PALM2AKAP2: variants seen among roughly 807,000 people sequenced by gnomAD.
PALM2AKAP2 encodes the protein PALM2 and AKAP2 fusion.
In PALM2AKAP2, 37 loss-of-function variants were observed where a neutral mutation model predicts 71.5. The observed-to-expected ratio is 0.52, with a 90% CI of 0.40 to 0.68. The LOEUF (loss-of-function observed/expected upper bound fraction) is 0.68, where lower values mean the gene tolerates loss of function less well. PALM2AKAP2 is among the 30% of genes least tolerant of loss of function. The probability of loss-of-function intolerance (pLI) is 0.00; values close to 1 mark genes in which losing one functional copy is unlikely to be tolerated. For missense variants in PALM2AKAP2, 1,224 were observed against 1,191.8 expected, an observed-to-expected ratio of 1.03 and a Z score of -0.40; for synonymous variants, 468 against 478.8, an observed-to-expected ratio of 0.98 and a Z score of 0.29.
chr9:110,000,339 A>G (rs1180938284), intron 6 of PALM2AKAP2, among the ~76,000 whole-genome samples: 1 of 152,292 alleles, frequency 6.6e-6, no homozygotes, highest in East Asian at 1.9e-4. Flanking sequence ...AAAGGACATC[A>G]ACTCATCATT....
chr9:109,902,868 T>A (rs563306615), intron 3 of PALM2AKAP2, among the ~76,000 whole-genome samples: 1 of 152,112 alleles, frequency 6.6e-6, no homozygotes. Flanking sequence ...GAAGAGAACA[T>A]GAAGGAGCAA....
At chr9:109,842,410 T>C (rs547116054) in intron 1 of PALM2AKAP2, among the ~76,000 whole-genome samples, 13 of 152,318 alleles carry the variant, frequency 8.5e-5, no homozygotes, top group African/African-American at 2.6e-4. Flanking sequence ...TCCTCATTCA[T>C]TCCCTTGCAG....
intron 3 of PALM2AKAP2, among the ~76,000 whole-genome samples, chr9:109,897,713 G>T (rs1830235094): frequency 6.6e-6 from 1 of 152,170 alleles, no homozygotes; most frequent in Non-Finnish European, 1.5e-5. Context: ...TTAGAAGGAG[G>T]TTTCATGTAA....
At chr9:109,717,379 A>G (rs751693130) in intron 1 of PALM2AKAP2, among the ~76,000 whole-genome samples, 4 of 152,126 alleles carry the variant, frequency 2.6e-5, no homozygotes, top group Non-Finnish European at 5.9e-5. Flanking sequence ...GATAGACCAA[A>G]CAGTCAAGAT....
At chr9:109,709,507 A>G (rs1477959129) in intron 1 of PALM2AKAP2, among the ~76,000 whole-genome samples, 1 of 152,188 alleles carries the variant, frequency 6.6e-6, no homozygotes, top group Non-Finnish European at 1.5e-5. Flanking sequence ...TTGCCAAGTC[A>G]AGCCTGTGCC....
rs73535526 is a variant in PALM2AKAP2, at chr9:109,833,629, T to G, written c.46-33862T>G. 3.0e-3 allele frequency among the ~76,000 whole-genome samples: 456 copies of G among 152,130 alleles called. 1 individual carries two copies. The highest frequency in any genetic ancestry group is 0.011 in the African/African-American group (439 of 41,524). On this transcript the variant is annotated intron_variant, in intron 1 of 9. Transcript: ENST00000302798. ...TTCGAAGCATGATTCAGTTGGGGAG[T>G]TATTGGTCAACATGGTGGGACAATT... is the stretch of plus-strand genomic sequence containing the variant.
At chr9:109,692,317 C>G (rs1297368990) in intron 1 of PALM2AKAP2, among the ~76,000 whole-genome samples, 1 of 151,872 alleles carries the variant, frequency 6.6e-6, no homozygotes, top group African/African-American at 2.4e-5. Flanking sequence ...CCTTGCTAAA[C>G]TCATTAATTA....
At chr9:109,740,783 AG>A (rs202086135) in intron 1 of PALM2AKAP2, among the ~76,000 whole-genome samples, 4,153 of 152,194 alleles carry the variant, frequency 0.027, 189 homozygotes, top group African/African-American at 0.094. Flanking sequence ...CCTCCTGAGT[AG>A]CTGGGACTAC....
chr9:110,092,341 GAAGT>G (rs779114637), intron 1 of PALM2AKAP2, among the ~76,000 whole-genome samples: 6 of 152,010 alleles, frequency 3.9e-5, no homozygotes, highest in East Asian at 1.9e-4. Context: ...CAAAAAAAAA[GAAGT>G]AAGATCTGAT....
chr9:109,660,346 AC>A (rs1332836097), intron 1 of PALM2AKAP2, among the ~76,000 whole-genome samples: 1 of 150,330 alleles, frequency 6.7e-6, no homozygotes, highest in African/African-American at 2.5e-5. Context: ...TCCCTCCCCA[AC>A]CCCCCCAACT....
At chr9:109,984,203 A>G (rs1225299644) in intron 6 of PALM2AKAP2, among the ~76,000 whole-genome samples, 1 of 152,234 alleles carries the variant, frequency 6.6e-6, no homozygotes, top group East Asian at 1.9e-4. Flanking sequence ...ACAGTGAAGT[A>G]TATCTCTAGT....
chr9:109,873,133 T>C (rs1829643969), intron 2 of PALM2AKAP2, among the ~76,000 whole-genome samples: 1 of 152,172 alleles, frequency 6.6e-6, no homozygotes, highest in Non-Finnish European at 1.5e-5. Context: ...AACACAGCTA[T>C]TGCCTCATGC....
intron 1 of PALM2AKAP2, among the ~76,000 whole-genome samples, chr9:109,750,570 ACGTGTG>A (rs1181037573): frequency 1.2e-4 from 12 of 97,848 alleles, no homozygotes; most frequent in African/African-American, 3.9e-4. Flanking sequence ...CTGCCCTAGG[ACGTGTG>A]TGTGTGTGTG....
At chr9:110,058,898 G>GTTTTTTTTTTTTTTTTTTTTTTTTT (rs202140304) in intron 1 of PALM2AKAP2, among the ~76,000 whole-genome samples, 1 of 111,736 alleles carries the variant, frequency 8.9e-6, no homozygotes, top group Non-Finnish European at 1.7e-5. Context: ...AAGTTTTTTG[G>GTTTTTTTTTTTTTTTTTTTTTTTTT]TTTTTTTTTT....
chr9:110,026,441 C>A (rs1833183715), intron 7 of PALM2AKAP2, among the ~76,000 whole-genome samples: 1 of 151,956 alleles, frequency 6.6e-6, no homozygotes, highest in Admixed American at 6.6e-5. Flanking sequence ...TTTTTATTAG[C>A]CTAATCAATG....
intron 6 of PALM2AKAP2, among the ~76,000 whole-genome samples, chr9:110,011,069 A>G (rs1832879014): frequency 6.9e-6 from 1 of 143,912 alleles, no homozygotes; most frequent in Admixed American, 7.0e-5. Flanking sequence ...AAGTATATTT[A>G]TAGAATATAT....
rs147120615 is a variant in PALM2AKAP2, at chr9:109,705,998, C to G, written c.5+65132C>G. Among the ~76,000 whole-genome samples the G allele has an allele frequency of 6.2e-4, 95 of 152,310 alleles. No individual in the cohort carries two copies. The East Asian group carries it at 0.017, about 27-fold the overall frequency. ...GGAGAGAAGAAAAGAAGGAATGAACCATGCTTGCCTCTAACTTCAAGTCTC... is the reference window on the plus strand; with the variant it reads ...GGAGAGAAGAAAAGAAGGAATGAACGATGCTTGCCTCTAACTTCAAGTCTC... On this transcript the variant is annotated intron_variant, in intron 1 of 6. Coordinates refer to the PALM2AKAP2 transcript ENST00000374531.
intron 1 of PALM2AKAP2, among the ~76,000 whole-genome samples, chr9:109,768,014 A>AAAAGAGGGAGAGAGGGAGAAAAGGAAGG (rs1322381229): frequency 1.2e-3 from 62 of 53,460 alleles, no homozygotes; most frequent in African/African-American, 8.3e-3. Context: ...GGTAGGTAGG[A>AAAAGAGGGAGAGAGGGAGAAAAGGAAGG]AGAAAGGAAG....
chr9:109,941,477 T>C (rs1831365191), intron 6 of PALM2AKAP2, among the ~76,000 whole-genome samples: 1 of 152,218 alleles, frequency 6.6e-6, no homozygotes, highest in Non-Finnish European at 1.5e-5. Flanking sequence ...TCAGGTGTGA[T>C]TCTCAGGCCT....
Sources: allele counts gnomAD v4.1 joint callset (sites outside exome capture counted in the v4.1 genomes callset), GRCh38; gene constraint gnomAD v4.1.1; transcripts MANE v1.5; gene names NCBI Gene and HGNC (gene_info 2026-07-23, HGNC 2026-07-21).